LYPD6B: variants seen among roughly 807,000 people sequenced by gnomAD.
LYPD6B encodes LY6/PLAUR domain containing 6B, also known as ly6/PLAUR domain-containing protein 6B.
In LYPD6B, 17 loss-of-function variants were observed where a neutral mutation model predicts 22.8. That is an observed-to-expected ratio of 0.75 (90% CI 0.51 to 1.12). LYPD6B has a LOEUF of 1.12. LYPD6B is among the 50% of genes most tolerant of loss of function. LYPD6B has a pLI of 0.00. For missense variants in LYPD6B, 221 were observed against 258.3 expected, an observed-to-expected ratio of 0.86 and a Z score of 0.99; for synonymous variants, 106 against 91.6, an observed-to-expected ratio of 1.16 and a Z score of -0.90.
intron 1 of LYPD6B, among the ~76,000 whole-genome samples, chr2:149,049,385 A>G (rs1237937823): frequency 1.3e-5 from 2 of 152,240 alleles, no homozygotes; most frequent in Non-Finnish European, 2.9e-5. Flanking sequence ...GCTCTCATAC[A>G]CGTGACACTT....
At position 149,177,168 on chromosome 2, in the gene LYPD6B, A is replaced by C. The variant is rs181381759; in HGVS notation, c.77+16333A>C. Among the ~76,000 whole-genome samples the C allele has an allele frequency of 5.9e-5, 9 of 152,346 alleles. No individual in the cohort carries two copies. The East Asian group carries it at 7.7e-4, about 13-fold the overall frequency. On this transcript the variant is annotated intron_variant, in intron 3 of 6. Transcript: ENST00000409642. ...ATTGGCAGCATCTGTGGTTAGAGAA[A>C]TGGCCCCCAAACACGTGAACTGGGT...
Position 149,172,545 on chromosome 2 carries a change from C to G in LYPD6B, c.77+11710C>G, listed in dbSNP as rs143015480. On this transcript the variant is annotated intron_variant, in intron 3 of 6. Coordinates refer to ENST00000409642, the MANE Select transcript of LYPD6B (RefSeq NM_177964.5). ...TTGTTCAGTGGTACAACCAGGACAT[C>G]TGTTCTGTGGACCTCCTAATCAGAA... Among the ~76,000 whole-genome samples the G allele has an allele frequency of 5.5e-3, 830 of 152,168 alleles. 8 individuals are homozygous for G. Among genetic ancestry groups the G allele is most frequent in the African/African-American group, 0.019 (774 of 41,566 alleles).
intron 1 of LYPD6B, among the ~76,000 whole-genome samples, chr2:149,126,878 A>G (rs934849928): frequency 1.3e-5 from 2 of 148,814 alleles, no homozygotes; most frequent in Non-Finnish European, 3.0e-5. Context: ...GCCTCTTAAT[A>G]CCCTTTTAAT....
At chr2:149,147,392 G>C (rs1377562922) in intron 2 of LYPD6B, among the ~76,000 whole-genome samples, 2 of 152,212 alleles carry the variant, frequency 1.3e-5, no homozygotes, top group African/African-American at 4.8e-5. Context: ...GAAAAGCTTT[G>C]AAAGGAATTT....
chr2:149,156,070 G>A (rs369421834), intron 2 of LYPD6B, among the ~76,000 whole-genome samples: 33 of 152,180 alleles, frequency 2.2e-4, no homozygotes, highest in Non-Finnish European at 4.6e-4. Flanking sequence ...CAGCCTGGGT[G>A]TCAAGTAAGA....
At chr2:149,084,903 G>A (rs1685316170) in intron 1 of LYPD6B, among the ~76,000 whole-genome samples, 1 of 152,120 alleles carries the variant, frequency 6.6e-6, no homozygotes, top group Non-Finnish European at 1.5e-5. Context: ...CTCAAAGTCA[G>A]CCTAACTGTG....
intron 1 of LYPD6B, among the ~76,000 whole-genome samples, chr2:149,099,384 G>A (rs1250031770): frequency 3.4e-5 from 5 of 149,186 alleles, no homozygotes; most frequent in Non-Finnish European, 5.9e-5. Flanking sequence ...GTAGTTAAAT[G>A]TGTCATCCCC....
At chr2:149,043,156 T>C (rs1021154221) in intron 1 of LYPD6B, among the ~76,000 whole-genome samples, 1 of 152,190 alleles carries the variant, frequency 6.6e-6, no homozygotes, top group African/African-American at 2.4e-5. Context: ...GGGTTCATTA[T>C]TTAAAAGAAG....
intron 3 of LYPD6B, among the ~76,000 whole-genome samples, chr2:149,181,437 T>G (rs973435640): frequency 6.6e-6 from 1 of 152,130 alleles, no homozygotes; most frequent in Non-Finnish European, 1.5e-5. Flanking sequence ...TGATGAATTC[T>G]GCCAGGATAC....
rs1694088719 is a variant in LYPD6B at position 149,214,740 on chromosome 2, A to G, written c.*30A>G. On this transcript the variant is annotated 3_prime_UTR_variant, in exon 7 of 7. Transcript: ENST00000409642. The stretch of plus-strand genomic sequence containing the variant: ...ACCATTCCTAGGAGAGGCAGAGACC[A>G]GCCTCTAAAGCACAAGCCAAAAACT... 3.7e-6 allele frequency: 6 copies of G among 1,610,240 alleles called. No individual in the cohort carries two copies. The South Asian group carries it at 6.6e-5, about 18-fold the overall frequency.
In LYPD6B at chr2:149,190,847, A is replaced by G. The variant is rs189382309; in HGVS notation, c.78-14406A>G. Among the ~76,000 whole-genome samples the G allele has an allele frequency of 4.2e-4, 64 of 152,258 alleles. 1 individual carries two copies. The highest frequency in any genetic ancestry group is 1.4e-3 in the African/African-American group (57 of 41,574). On this transcript the variant is annotated intron_variant, in intron 3 of 6. Coordinates refer to ENST00000409642, the MANE Select transcript of LYPD6B (RefSeq NM_177964.5). ...GTTGAAAATATTTTCTTCAAGTTAT[A>G]TGTTTCTTAACTTTGCTTATGAGTT... is the stretch of plus-strand genomic sequence containing the variant.
At chr2:149,159,557 C>T (rs1302630696) in intron 2 of LYPD6B, among the ~76,000 whole-genome samples, 2 of 150,738 alleles carry the variant, frequency 1.3e-5, no homozygotes, top group Non-Finnish European at 2.9e-5. Flanking sequence ...TAGGGTTCTT[C>T]AGAGAACCCT....
intron 1 of LYPD6B, among the ~76,000 whole-genome samples, chr2:149,129,761 G>C (rs552659587): frequency 6.6e-6 from 1 of 152,334 alleles, no homozygotes; most frequent in African/African-American, 2.4e-5. Flanking sequence ...ACTTCTTGAT[G>C]GGGCTTTGTA....
At chr2:149,124,530 G>A (rs1160590341) in intron 1 of LYPD6B, among the ~76,000 whole-genome samples, 1 of 152,046 alleles carries the variant, frequency 6.6e-6, no homozygotes, top group African/African-American at 2.4e-5. Context: ...TCTCAACTAG[G>A]GTTGTCCTCA....
chr2:149,068,956 G>A lies in LYPD6B; in HGVS notation c.-67+30155G>A, dbSNP rs144538559. 14 of 245,608 alleles carry A rather than the reference G, an allele frequency of 5.7e-5. No individual in the cohort carries two copies. The East Asian group carries it at 6.4e-4, about 11-fold the overall frequency. The allele number at this position is 245,608 out of a possible 1,614,324, so 15.2% of individuals were successfully genotyped here. A position where few individuals can be genotyped will look rare whatever the true frequency, so the allele number is the denominator to read the frequency against. On this transcript the variant is annotated intron_variant, in intron 1 of 6. Coordinates refer to ENST00000409642, the MANE Select transcript of LYPD6B (RefSeq NM_177964.5). Reference sequence around the variant, plus strand: ...AAGAAACATTTCTAAAAATTATCTCGTCCGTCTCTTGTTCCACACTGTTCC... The same window carrying A: ...AAGAAACATTTCTAAAAATTATCTCATCCGTCTCTTGTTCCACACTGTTCC...
At chr2:149,072,478 GTTATT>G (rs1469707867) in intron 1 of LYPD6B, among the ~76,000 whole-genome samples, 1 of 91,148 alleles carries the variant, frequency 1.1e-5, no homozygotes, top group African/African-American at 3.4e-5. Flanking sequence ...TGCTAGGGTG[GTTATT>G]TTTATTTTAT....
intron 1 of LYPD6B, among the ~76,000 whole-genome samples, chr2:149,122,403 AATT>A (rs1187154763): frequency 1.3e-5 from 2 of 151,118 alleles, no homozygotes; most frequent in African/African-American, 2.4e-5. Flanking sequence ...TTTTTTTAAA[AATT>A]ATTATTTTTT....
chr2:149,139,080 T>C (rs1012706441), intron 2 of LYPD6B, among the ~76,000 whole-genome samples: 4 of 152,204 alleles, frequency 2.6e-5, no homozygotes, highest in African/African-American at 7.2e-5. Flanking sequence ...CCCTGTGACA[T>C]GTAGCACCGT....
At chr2:149,180,283 G>A (rs1313243788) in intron 3 of LYPD6B, among the ~76,000 whole-genome samples, 3 of 152,180 alleles carry the variant, frequency 2.0e-5, no homozygotes, top group African/African-American at 7.2e-5. Flanking sequence ...TCAGCGGGCA[G>A]TGAAGGAGCT....
Sources: gnomAD v4.1 joint callset for allele counts (sites outside exome capture counted in the v4.1 genomes callset) on GRCh38, gnomAD v4.1.1 for gene constraint, MANE v1.5 for transcripts, NCBI Gene and HGNC (gene_info 2026-07-23, HGNC 2026-07-21) for gene names.